The following TTC39B variants were observed in gnomAD, a reference collection of about 807,000 sequenced individuals.
TTC39B encodes the protein tetratricopeptide repeat protein 39B.
TTC39B carries 92 observed loss-of-function variants against 96.6 expected under a neutral mutation model. The ratio of observed to expected loss-of-function variants is 0.95; its 90% CI spans 0.80 to 1.13. The LOEUF is 1.13. TTC39B is among the 50% of genes most tolerant of loss of function. The probability of loss-of-function intolerance (pLI) is 0.00; values close to 1 mark genes in which losing one functional copy is unlikely to be tolerated. For synonymous variants in TTC39B, 367 were observed against 299.4 expected (o/e 1.23, Z -2.33); for missense variants, 955 against 809.3 (o/e 1.18, Z -2.18).
At chr9:15,191,520 G>A (rs1370939568) in intron 9 of TTC39B, among the ~76,000 whole-genome samples, 2 of 152,174 alleles carry the variant, frequency 1.3e-5, no homozygotes, top group East Asian at 1.9e-4. Context: ...TTGATGTGGT[G>A]TGATGAAGTG....
chr9:15,295,669 G>A lies in TTC39B; in HGVS notation c.240+11415C>T, dbSNP rs1229405623. 2.0e-5 allele frequency among the ~76,000 whole-genome samples: 3 copies of A among 152,238 alleles called. No individual in the cohort carries two copies. In the South Asian group the frequency reaches 6.2e-4, roughly 31 times the overall value. On this transcript the variant is annotated intron_variant, in intron 1 of 19. Transcript: ENST00000512701. ...AAAGAGAAAGTAAATTTGCATTTTA[G>A]TAGTACCTTCTATGTGTCAGGTGCT... is the stretch of plus-strand genomic sequence containing the variant.
chr9:15,257,928 G>A (rs918083817), intron 2 of TTC39B, among the ~76,000 whole-genome samples: 8 of 151,878 alleles, frequency 5.3e-5, no homozygotes, highest in South Asian at 2.1e-4. Context: ...GCACGGTGGC[G>A]GGCGCCTGTA....
rs541720122 is a variant in TTC39B at position 15,222,474 on chromosome 9, T to C, written c.371+3443A>G. On this transcript the variant is annotated intron_variant, in intron 3 of 19. Transcript: ENST00000512701. ...ACTCCCTCTATCCTACATTCTTTAC[T>C]AACCAATCCAAGGGAGAGTCACCCT... Among the ~76,000 whole-genome samples, 202 of 152,322 alleles carry C rather than the reference T, an allele frequency of 1.3e-3. 1 individual carries two copies. Among genetic ancestry groups the C allele is most frequent in the African/African-American group, 4.5e-3 (186 of 41,580 alleles).
At chr9:15,218,025 T>G (rs1213203540) in intron 3 of TTC39B, among the ~76,000 whole-genome samples, 3 of 151,886 alleles carry the variant, frequency 2.0e-5, no homozygotes, top group Non-Finnish European at 4.4e-5. Context: ...CTGGCCAACA[T>G]GGTGAAACCC....
intron 1 of TTC39B, among the ~76,000 whole-genome samples, chr9:15,297,929 G>C (rs1240386135): frequency 1.3e-5 from 2 of 152,152 alleles, no homozygotes; most frequent in Non-Finnish European, 2.9e-5. Context: ...GAGAGAACAG[G>C]TAAAGATTTT....
chr9:15,203,697 C>G (rs1819676834), intron 7 of TTC39B, 126 bp downstream of exon 7: 2 of 692,712 alleles, frequency 2.9e-6, no homozygotes, highest in Non-Finnish European at 4.6e-6. Context: ...ATCAGAATAA[C>G]AAATATTTGC....
At chr9:15,200,316 C>T (rs955849268) in intron 7 of TTC39B, among the ~76,000 whole-genome samples, 4 of 152,312 alleles carry the variant, frequency 2.6e-5, no homozygotes, top group Admixed American at 2.0e-4. Context: ...CCAAACCTTC[C>T]AGTACATTAC....
At position 15,262,239 on chromosome 9, in the gene TTC39B, C is replaced by T. The variant is rs1822972939; in HGVS notation, c.275+5675G>A. Among the ~76,000 whole-genome samples, 6 of 152,268 alleles carry T rather than the reference C, an allele frequency of 3.9e-5. No individual in the cohort carries two copies. The South Asian group carries it at 1.2e-3, about 32-fold the overall frequency. ...TCAGCCTCCTGAGTAGCTGGAATTA[C>T]AGGCATGCGCCACAAAGCCCAGCTA... On this transcript the variant is annotated intron_variant, in intron 2 of 19. Transcript: ENST00000512701.
At chr9:15,260,798 T>C (rs922653057) in intron 2 of TTC39B, among the ~76,000 whole-genome samples, 5 of 146,670 alleles carry the variant, frequency 3.4e-5, no homozygotes, top group Non-Finnish European at 5.9e-5. Context: ...TTTATTTCTA[T>C]TGTAAGCTTC....
intron 2 of TTC39B, 137 bp from the exon 3 acceptor site, chr9:15,226,149 T>C (rs1821113282): frequency 4.5e-6 from 3 of 662,026 alleles, no homozygotes; most frequent in Non-Finnish European, 4.8e-6. Context: ...ATTTTAAAAA[T>C]CAAGTAACAA....
chr9:15,205,983 T>C lies in TTC39B; in HGVS notation c.692-2093A>G, dbSNP rs180941538. 1.1e-4 allele frequency among the ~76,000 whole-genome samples: 17 copies of C among 152,228 alleles called. No homozygotes were observed. The East Asian group carries it at 3.3e-3, about 29-fold the overall frequency. ...GGCCTTGAATGTTAGAGTCTGCACT[T>C]GATTCAGGAAGCAACAGTGAGTCAG... On this transcript the variant is annotated intron_variant, in intron 6 of 19. Transcript: ENST00000512701.
intron 8 of TTC39B, among the ~76,000 whole-genome samples, chr9:15,199,249 T>A (rs1013885560): frequency 6.6e-6 from 1 of 152,324 alleles, no homozygotes; most frequent in South Asian, 2.1e-4. Flanking sequence ...GAACCAAAGA[T>A]ATTACTATAA....
intron 8 of TTC39B, among the ~76,000 whole-genome samples, chr9:15,196,348 G>A (rs1819167840): frequency 1.3e-5 from 2 of 152,224 alleles, no homozygotes; most frequent in African/African-American, 4.8e-5. Context: ...CCAGGGAAAG[G>A]AAACAGAAAA....
At chr9:15,233,794 G>A (rs1014790880) in intron 2 of TTC39B, among the ~76,000 whole-genome samples, 1 of 152,118 alleles carries the variant, frequency 6.6e-6, no homozygotes, top group South Asian at 2.1e-4. Context: ...TGGGAAGTGA[G>A]GAGCGTCTCT....
At chr9:15,166,813 T>G (rs954407423) in exon 20 of TTC39B, 2 of 151,204 alleles carry the variant, frequency 1.3e-5, no homozygotes, top group African/African-American at 4.9e-5. Flanking sequence ...TATTTATTAT[T>G]TGTAAGTAGT....
intron 1 of TTC39B, among the ~76,000 whole-genome samples, chr9:15,271,789 T>A (rs1476442602): frequency 6.6e-6 from 1 of 152,212 alleles, no homozygotes; most frequent in African/African-American, 2.4e-5. Flanking sequence ...AAATACTAGT[T>A]CCTCAAATAC....
At chr9:15,211,145 C>A in intron 5 of TTC39B, 121 bp downstream of exon 5, 1 of 1,173,818 alleles carries the variant, frequency 8.5e-7, no homozygotes, top group Non-Finnish European at 1.1e-6. Flanking sequence ...GGCTGAATTT[C>A]TTTTCTGTAA....
chr9:15,277,271 A>G (rs761361766), intron 1 of TTC39B, among the ~76,000 whole-genome samples: 51 of 152,228 alleles, frequency 3.4e-4, no homozygotes, highest in Admixed American at 9.8e-4. Flanking sequence ...TCTACTAAAA[A>G]TACAAAATTA....
chr9:15,285,846 T>C (rs913024786), intron 1 of TTC39B, among the ~76,000 whole-genome samples: 3 of 152,032 alleles, frequency 2.0e-5, no homozygotes, highest in African/African-American at 4.8e-5. Context: ...CAGAACGAGA[T>C]TCCGTCTCAA....
Sources: gnomAD v4.1 joint callset for allele counts (sites outside exome capture counted in the v4.1 genomes callset) on GRCh38, gnomAD v4.1.1 for gene constraint, MANE v1.5 for transcripts, NCBI Gene and HGNC (gene_info 2026-07-23, HGNC 2026-07-21) for gene names.